OAT: variants seen among roughly 807,000 people sequenced by gnomAD.
OAT encodes ornithine aminotransferase.
In OAT, 35 loss-of-function variants were observed where a neutral mutation model predicts 48.4. That is an observed-to-expected ratio of 0.72 (90% CI 0.55 to 0.96). OAT has a LOEUF of 0.96. Among genes scored for constraint, OAT ranks in the 40% least tolerant of loss-of-function variants. OAT has a pLI of 0.00. For synonymous variants in OAT, 182 were observed against 198.4 expected, an observed-to-expected ratio of 0.92 and a Z score of 0.70; for missense variants, 438 against 537.9, an observed-to-expected ratio of 0.81 and a Z score of 1.84.
In OAT at chr10:124,412,173, G is replaced by A. The variant is rs1327937405; in HGVS notation, c.-2C>T. On this transcript the variant is annotated 5_prime_UTR_variant, in exon 2 of 10. Transcript: ENST00000368845. ...CAAATGTGCTAGTTTGGAAAACATT[G>A]TGTCCTTCAAGTAGAAAAACCACAG... is the stretch of plus-strand genomic sequence containing the variant. 2 of 1,613,222 alleles carry A rather than the reference G, an allele frequency of 1.2e-6. No individual in the cohort carries two copies. Among genetic ancestry groups the A allele is most frequent in the South Asian group, 1.1e-5 (1 of 91,066 alleles).
chr10:124,415,937 A>G (rs947178770), intron 1 of OAT, among the ~76,000 whole-genome samples: 1 of 152,248 alleles, frequency 6.6e-6, no homozygotes, highest in Non-Finnish European at 1.5e-5. Context: ...ACTGTTTAAA[A>G]AGACACACAC....
intron 3 of OAT, 23 bp downstream of exon 3, chr10:124,408,718 A>C: frequency 6.3e-7 from 1 of 1,589,820 alleles, no homozygotes. Context: ...GAGGGTATTT[A>C]ACAAAAAAAG....
intron 2 of OAT, 95 bp downstream of exon 2, chr10:124,411,878 C>T: frequency 9.4e-7 from 1 of 1,059,704 alleles, no homozygotes; most frequent in Non-Finnish European, 1.5e-6. Context: ...ACATTAAACA[C>T]ATCTAGAAAA....
At chr10:124,415,489 C>T (rs1005655726) in intron 1 of OAT, among the ~76,000 whole-genome samples, 1 of 152,190 alleles carries the variant, frequency 6.6e-6, no homozygotes, top group Non-Finnish European at 1.5e-5. Flanking sequence ...AGGTCAGAAA[C>T]TGGATGAGCC....
chr10:124,405,231 G>T (rs1164245755), intron 5 of OAT, among the ~76,000 whole-genome samples: 1 of 152,178 alleles, frequency 6.6e-6, no homozygotes, highest in Non-Finnish European at 1.5e-5. Context: ...AAAGTAGTTG[G>T]CTGGCTGTAC....
At chr10:124,414,573 C>T (rs1220735173) in intron 1 of OAT, 2 of 152,200 alleles carry the variant, frequency 1.3e-5, no homozygotes, top group Non-Finnish European at 2.9e-5. Flanking sequence ...CTGGAGGTAG[C>T]TGCTAGCAAA....
intron 7 of OAT, among the ~76,000 whole-genome samples, chr10:124,402,250 T>C (rs1951434922): frequency 6.6e-6 from 1 of 152,140 alleles, no homozygotes; most frequent in African/African-American, 2.4e-5. Context: ...TCTGCCAACC[T>C]AACTACCAGT....
At chr10:124,402,775 T>C (rs1022236655) in intron 7 of OAT, 152 bp downstream of exon 7, 16 of 1,008,454 alleles carry the variant, frequency 1.6e-5, no homozygotes, top group Non-Finnish European at 2.4e-5. Flanking sequence ...CCCTTAAATG[T>C]TTTTATTACA....
chr10:124,398,044 T>A lies in OAT; in HGVS notation c.1218A>T (p.Pro406=), dbSNP rs774754850. 4 of 1,614,144 alleles carry A rather than the reference T, an allele frequency of 2.5e-6. No homozygotes were observed. The highest frequency in any genetic ancestry group is 3.4e-6 in the Non-Finnish European group (4 of 1,179,976). The change falls in exon 10 of 10, where the codon CCA becomes CCT. Residue 406 remains proline (P), a synonymous_variant. Transcript: ENST00000368845. The part of the protein sequence containing the change: ...RLRDNGLLAK[P]THGDIIRFAP... Reference sequence around the variant, plus strand: ...CAAACCTGATAATGTCGCCATGGGTTGGCTTGGCCAGAAGTCCATTATCTC... The same window carrying A: ...CAAACCTGATAATGTCGCCATGGGTAGGCTTGGCCAGAAGTCCATTATCTC...
chr10:124,405,384 A>G, intron 5 of OAT, 52 bp downstream of exon 5: 1 of 1,609,434 alleles, frequency 6.2e-7, no homozygotes, highest in Non-Finnish European at 8.5e-7. Flanking sequence ...TATATTCAAC[A>G]GCTTTAATTT....
rs146168041 is a variant in OAT, at chr10:124,406,087, A to G, written c.521-524T>C. 101 of 985,348 alleles carry G rather than the reference A, an allele frequency of 1.0e-4. No homozygotes were observed. In the East Asian group the frequency reaches 9.9e-3, roughly 96 times the overall value. 61.0% of individuals were successfully genotyped at this position (985,348 alleles called of 1,614,324 possible). A position where few individuals can be genotyped will look rare whatever the true frequency, so the allele number is the denominator to read the frequency against. The stretch of plus-strand genomic sequence containing the variant: ...ACGTTTCCATTTTACCTTCCTTGAT[A>G]TTATAATCCTTTATGATGCTAAATG... On this transcript the variant is annotated intron_variant, in intron 4 of 9. Coordinates refer to ENST00000368845, the MANE Select transcript of OAT (RefSeq NM_000274.4).
intron 9 of OAT, among the ~76,000 whole-genome samples, chr10:124,399,345 T>TTA (rs1951333640): frequency 7.1e-6 from 1 of 140,144 alleles, no homozygotes; most frequent in Admixed American, 7.3e-5. Context: ...ATTCTTTTTT[T>TTA]TTTTTTTTTT....
At chr10:124,401,449 C>T (rs961079903) in intron 8 of OAT, among the ~76,000 whole-genome samples, 2 of 152,204 alleles carry the variant, frequency 1.3e-5, no homozygotes, top group African/African-American at 4.8e-5. Flanking sequence ...GTAGGTGGGT[C>T]ACAGTTGAGA....
At chr10:124,418,768 C>A (rs112076575) in intron 1 of OAT, 105 bp downstream of exon 1, 9,683 of 152,350 alleles carry the variant, frequency 0.064, 408 homozygotes, top group Non-Finnish European at 0.084. Flanking sequence ...ATCCCCCGAA[C>A]CCGGGCCGCG....
At chr10:124,408,335 ATATATATATTTTTT>A (rs1260994876) in intron 4 of OAT, among the ~76,000 whole-genome samples, 193 bp downstream of exon 4, 1 of 102,768 alleles carries the variant, frequency 9.7e-6, no homozygotes, top group Non-Finnish European at 1.9e-5. Context: ...ATATATATAT[ATATATATATTTTTT>A]TTTTTTTTTT....
At chr10:124,417,329 GGCTGGA>G (rs1203738427) in intron 1 of OAT, among the ~76,000 whole-genome samples, 3 of 133,668 alleles carry the variant, frequency 2.2e-5, no homozygotes, top group African/African-American at 8.7e-5. Context: ...CTGTCGCCCA[GGCTGGA>G]GTGCAGTGGC....
chr10:124,416,211 T>A (rs1285193091), intron 1 of OAT, among the ~76,000 whole-genome samples: 2 of 152,122 alleles, frequency 1.3e-5, no homozygotes, highest in Admixed American at 6.5e-5. Context: ...TAAGCTCCTT[T>A]AAAAAACAGT....
intron 4 of OAT, chr10:124,405,826 C>A: frequency 7.9e-7 from 1 of 1,259,336 alleles, no homozygotes; most frequent in Non-Finnish European, 1.0e-6. Context: ...AATATATAGC[C>A]CCTGAAGATA....
intron 2 of OAT, 108 bp downstream of exon 2, chr10:124,411,865 T>C (rs1951763310): frequency 1.1e-6 from 1 of 907,716 alleles, no homozygotes; most frequent in Admixed American, 1.9e-5. Context: ...GTCTGCAATA[T>C]ACACATTAAA....
Sources: gnomAD v4.1 joint callset for allele counts (sites outside exome capture counted in the v4.1 genomes callset) on GRCh38, gnomAD v4.1.1 for gene constraint, MANE v1.5 for transcripts, NCBI Gene and HGNC (gene_info 2026-07-23, HGNC 2026-07-21) for gene names.